Variants in EPHA5 observed in about 807,000 individuals in gnomAD.
The protein encoded by EPHA5 is ephrin type-A receptor 5.
A neutral mutation model predicts 105.0 loss-of-function variants in EPHA5; 60 were observed. That is an observed-to-expected ratio of 0.57 (90% CI 0.46 to 0.71). The LOEUF is 0.71. Ranked by LOEUF, EPHA5 falls within the 30% of genes least tolerant of loss-of-function variation. The probability of loss-of-function intolerance (pLI) is 0.00; values close to 1 mark genes in which losing one functional copy is unlikely to be tolerated. For missense variants in EPHA5, 1,218 were observed against 1,274.7 expected (o/e 0.96, Z 0.68); for synonymous variants, 513 against 449.1 (o/e 1.14, Z -1.80).
Position 65,389,125 on chromosome 4 carries a change from C to A in EPHA5, c.1793+15249G>T, listed in dbSNP as rs186665136. ...AAGTTGTCTGAGGAAGATTGGACCT[C>A]TAAATTGGTAATTCCTTATATTTTT... On this transcript the variant is annotated intron_variant, in intron 8 of 16. Transcript: ENST00000613740. 7.9e-5 allele frequency among the ~76,000 whole-genome samples: 12 copies of A among 152,088 alleles called. 1 individual carries two copies. The East Asian group carries it at 2.1e-3, about 27-fold the overall frequency.
At position 65,506,852 on chromosome 4, in the gene EPHA5, T is replaced by A. The variant is rs371729887; in HGVS notation, c.911-11309A>T. 9.2e-5 allele frequency among the ~76,000 whole-genome samples: 14 copies of A among 152,272 alleles called. No individual in the cohort carries two copies. The South Asian group carries it at 1.7e-3, about 18-fold the overall frequency. On this transcript the variant is annotated intron_variant, in intron 3 of 16. Transcript: ENST00000613740. ...TTCACTCTGTCTGCTGTGCAGAAGC[T>A]CTTTAGTTTAATTAGATCCCATTTG...
intron 5 of EPHA5, among the ~76,000 whole-genome samples, chr4:65,476,961 C>T (rs779462782): frequency 6.6e-6 from 1 of 151,992 alleles, no homozygotes; most frequent in Non-Finnish European, 1.5e-5. Context: ...AAGTTTAAAA[C>T]ATATTATTTA....
chr4:65,450,418 T>C (rs1726954983), intron 5 of EPHA5, among the ~76,000 whole-genome samples: 1 of 152,162 alleles, frequency 6.6e-6, no homozygotes, highest in South Asian at 2.1e-4. Flanking sequence ...CATTACTCTA[T>C]ATTTTAAGGT....
At chr4:65,595,694 C>T (rs1743105821) in intron 3 of EPHA5, among the ~76,000 whole-genome samples, 1 of 151,668 alleles carries the variant, frequency 6.6e-6, no homozygotes, top group East Asian at 1.9e-4. Context: ...CATTCTCCTG[C>T]CTCAACCTCC....
chr4:65,408,821 C>A (rs1164814528), intron 7 of EPHA5, among the ~76,000 whole-genome samples: 1 of 151,678 alleles, frequency 6.6e-6, no homozygotes, highest in Non-Finnish European at 1.5e-5. Context: ...ACCATTTGAC[C>A]CAGCCATCCC....
chr4:65,491,400 TTA>T (rs1407400017), intron 4 of EPHA5, among the ~76,000 whole-genome samples: 5 of 152,094 alleles, frequency 3.3e-5, no homozygotes, highest in Non-Finnish European at 5.9e-5. Flanking sequence ...AATCTAAAAT[TTA>T]TTTTAAAAAT....
intron 3 of EPHA5, among the ~76,000 whole-genome samples, chr4:65,559,869 C>A (rs74455542): frequency 0.012 from 1,812 of 152,166 alleles, 10 homozygotes; most frequent in Non-Finnish European, 0.019. Flanking sequence ...AATAAAATGT[C>A]TCGATTACTG....
At chr4:65,476,115 A>AGTGTGTGTGT (rs1371610921) in intron 5 of EPHA5, among the ~76,000 whole-genome samples, 1 of 118,010 alleles carries the variant, frequency 8.5e-6, no homozygotes, top group African/African-American at 3.3e-5. Flanking sequence ...AGAGAGAGAG[A>AGTGTGTGTGT]GAGAGAGAGA....
At chr4:65,369,070 C>A (rs564922661) in intron 8 of EPHA5, among the ~76,000 whole-genome samples, 1 of 152,246 alleles carries the variant, frequency 6.6e-6, no homozygotes, top group African/African-American at 2.4e-5. Context: ...TTCCTTACTG[C>A]TTTTTAGCTT....
At chr4:65,642,111 A>C (rs193212254) in intron 2 of EPHA5, among the ~76,000 whole-genome samples, 32 of 152,234 alleles carry the variant, frequency 2.1e-4, no homozygotes, top group African/African-American at 6.7e-4. Flanking sequence ...AATATCTCAT[A>C]TATTTTCTCT....
chr4:65,359,285 G>A (rs1308179575), intron 11 of EPHA5, among the ~76,000 whole-genome samples: 2 of 151,456 alleles, frequency 1.3e-5, no homozygotes, highest in Non-Finnish European at 3.0e-5. Flanking sequence ...CTCCACTTCA[G>A]TTTTAAAGTT....
At chr4:65,582,359 CTG>C (rs985224264) in intron 3 of EPHA5, among the ~76,000 whole-genome samples, 3 of 151,382 alleles carry the variant, frequency 2.0e-5, no homozygotes, top group African/African-American at 7.2e-5. Context: ...ACGAGGGAAA[CTG>C]TGCATCAGAT....
At chr4:65,665,504 A>G (rs1749892658) in intron 1 of EPHA5, among the ~76,000 whole-genome samples, 1 of 152,160 alleles carries the variant, frequency 6.6e-6, no homozygotes, top group Non-Finnish European at 1.5e-5. Flanking sequence ...ATAGAGCATA[A>G]TAATATCAAT....
At chr4:65,482,984 A>C (rs1381309057) in intron 5 of EPHA5, among the ~76,000 whole-genome samples, 1 of 151,948 alleles carries the variant, frequency 6.6e-6, no homozygotes, top group Admixed American at 6.6e-5. Flanking sequence ...TACATTAGGT[A>C]TATCTCCTAA....
Position 65,352,754 on chromosome 4 carries a change from C to A in EPHA5, c.2235+288G>T, listed in dbSNP as rs182558283. ...TTTACATTTCTTTTTTAAAATTTTT[C>A]TTTTCCTCTCTTATTCCCTTCTACT... On this transcript the variant is annotated intron_variant, in intron 12 of 16. Coordinates refer to ENST00000613740, the MANE Select transcript of EPHA5 (RefSeq NM_001281766.3). 1.5e-4 allele frequency among the ~76,000 whole-genome samples: 23 copies of A among 148,918 alleles called. No individual in the cohort carries two copies. In the East Asian group the frequency reaches 4.1e-3, roughly 26 times the overall value.
rs572189327 is a variant in EPHA5 at position 65,410,952 on chromosome 4, T to TAA, written c.1687+3330_1687+3331dup. Among the ~76,000 whole-genome samples the TAA allele has an allele frequency of 1.4e-3, 217 of 152,252 alleles. 2 individuals carry two copies. The highest frequency in any genetic ancestry group is 5.1e-3 in the African/African-American group (213 of 41,582). ...CCGTTACAGTCTCAAAGCTTCAAGA[T>TAA]AAATTATGTTAAAAGAAACCAGAAA... is the stretch of plus-strand genomic sequence containing the variant. On this transcript the variant is annotated intron_variant, in intron 7 of 16. Coordinates refer to ENST00000613740, the MANE Select transcript of EPHA5 (RefSeq NM_001281766.3).
intron 3 of EPHA5, among the ~76,000 whole-genome samples, chr4:65,521,933 C>T (rs1294801824): frequency 6.6e-6 from 1 of 152,110 alleles, no homozygotes; most frequent in Non-Finnish European, 1.5e-5. Context: ...GCTGCCAGAG[C>T]CTGATTTGTT....
intron 2 of EPHA5, among the ~76,000 whole-genome samples, chr4:65,612,888 T>G (rs756962589): frequency 3.3e-5 from 5 of 152,172 alleles, no homozygotes; most frequent in Non-Finnish European, 7.4e-5. Context: ...TTTAAATAAG[T>G]TCCATTTATC....
At chr4:65,567,957 T>C (rs1739725364) in intron 3 of EPHA5, among the ~76,000 whole-genome samples, 1 of 151,514 alleles carries the variant, frequency 6.6e-6, no homozygotes. Flanking sequence ...CAATAAATTA[T>C]TGGCTACTTT....
Sources: allele counts gnomAD v4.1 joint callset (sites outside exome capture counted in the v4.1 genomes callset), GRCh38; gene constraint gnomAD v4.1.1; transcripts MANE v1.5; gene names NCBI Gene and HGNC (gene_info 2026-07-23, HGNC 2026-07-21).